TBXAS1: variants seen among roughly 807,000 people sequenced by gnomAD.
The protein encoded by TBXAS1 is thromboxane A synthase 1, also known as thromboxane-A synthase.
TBXAS1 carries 48 observed loss-of-function variants against 60.7 expected under a neutral mutation model. That is an observed-to-expected ratio of 0.79 (90% confidence interval 0.63 to 1.01). The LOEUF (loss-of-function observed/expected upper bound fraction) is 1.01. Ranked by LOEUF, TBXAS1 falls within the 50% of genes least tolerant of loss-of-function variation. The probability of loss-of-function intolerance (pLI) is 0.00; values close to 1 mark genes in which losing one functional copy is unlikely to be tolerated. For missense variants in TBXAS1, 685 were observed against 686.3 expected (o/e 1.00, Z 0.02); for synonymous variants, 287 against 269.7 (o/e 1.06, Z -0.63).
In TBXAS1 at chr7:139,999,251, G is replaced by A. The variant is rs577879057; in HGVS notation, c.1135-7840G>A. Among the ~76,000 whole-genome samples, 22 of 152,342 alleles carry A rather than the reference G, an allele frequency of 1.4e-4. No homozygotes were observed. The highest frequency in any genetic ancestry group is 4.6e-4 in the African/African-American group (19 of 41,584). On this transcript the variant is annotated intron_variant, in intron 9 of 12. Coordinates refer to ENST00000448866, the MANE Select transcript of TBXAS1 (RefSeq NM_001061.7). This position sits in a 1 kb window ranked among gnomAD's most constrained non-coding sequence, Gnocchi z 4.3. ...CATAAGAACTCAGGGCTGGCCGGGCGCCATGGCTTACGCCTATAATCCCAG... is the reference window on the plus strand; with the variant it reads ...CATAAGAACTCAGGGCTGGCCGGGCACCATGGCTTACGCCTATAATCCCAG...
At chr7:139,782,525 A>G (rs1797036154) in intron 2 of TBXAS1, 1 of 151,974 alleles carries the variant, frequency 6.6e-6, no homozygotes, top group Admixed American at 6.6e-5. Context: ...CTTCAAGGCC[A>G]CAGGATAGAG....
chr7:140,004,695 G>C lies in TBXAS1; in HGVS notation c.1135-2396G>C, dbSNP rs1233085743. Reference sequence around the variant, plus strand: ...ACACATGCACTGAGACCCAGCCAGGGAGGCAGGATCTAGGGAAATTGGTCC... The same window carrying C: ...ACACATGCACTGAGACCCAGCCAGGCAGGCAGGATCTAGGGAAATTGGTCC... On this transcript the variant is annotated intron_variant, in intron 9 of 12. Coordinates refer to ENST00000448866, the MANE Select transcript of TBXAS1 (RefSeq NM_001061.7). The surrounding 1 kb of genome is among the most constrained non-coding windows in gnomAD (Gnocchi z 5.1). Among the ~76,000 whole-genome samples, 1 of 152,184 alleles carries C rather than the reference G, an allele frequency of 6.6e-6. No homozygotes were observed. The highest frequency in any genetic ancestry group is 1.9e-4 in the East Asian group (1 of 5,190).
chr7:139,797,680 G>A (rs80267009), intron 4 of TBXAS1, among the ~76,000 whole-genome samples: 1 of 152,152 alleles, frequency 6.6e-6, no homozygotes, highest in South Asian at 2.1e-4. Flanking sequence ...AGGGTGAGGG[G>A]CTGGGAGTGG....
chr7:139,852,321 C>G lies in TBXAS1; in HGVS notation c.90-19914C>G, dbSNP rs1800275024. Among the ~76,000 whole-genome samples the G allele has an allele frequency of 2.0e-5, 3 of 152,188 alleles. No individual in the cohort carries two copies. In the South Asian group the frequency reaches 6.2e-4, roughly 32 times the overall value. The stretch of plus-strand genomic sequence containing the variant: ...GGAAGGGATTATAAGTTGCAGGGAG[C>G]AGGCAAGAGGCCAAACCCAGAAAAG... On this transcript the variant is annotated intron_variant, in intron 1 of 12. Coordinates refer to ENST00000448866, the MANE Select transcript of TBXAS1 (RefSeq NM_001061.7). This position sits in a 1 kb window ranked among gnomAD's most constrained non-coding sequence, Gnocchi z 4.4.
chr7:139,972,859 G>A (rs1811309897), intron 9 of TBXAS1, among the ~76,000 whole-genome samples: 1 of 152,134 alleles, frequency 6.6e-6, no homozygotes, highest in Non-Finnish European at 1.5e-5. Flanking sequence ...CACAGTGCCT[G>A]GCACGTGAGA....
chr7:139,822,819 C>T (rs1215707634), intron 4 of TBXAS1, among the ~76,000 whole-genome samples: 1 of 152,142 alleles, frequency 6.6e-6, no homozygotes, highest in Non-Finnish European at 1.5e-5. Flanking sequence ...AGGCTGTCAT[C>T]CCCCACCTAG....
chr7:139,813,271 T>C (rs572085175), intron 4 of TBXAS1, among the ~76,000 whole-genome samples: 1 of 152,188 alleles, frequency 6.6e-6, no homozygotes, highest in African/African-American at 2.4e-5. Flanking sequence ...TCAGAGACCT[T>C]CCAGTACTGG....
intron 7 of TBXAS1, 37 bp downstream of exon 7, chr7:139,955,644 C>G (rs766847341): frequency 2.8e-5 from 45 of 1,612,214 alleles, no homozygotes; most frequent in Non-Finnish European, 3.6e-5. Context: ...TGCGATGACT[C>G]CAGCAAGTTG....
At chr7:139,984,827 AAGAAAG>A (rs1042025609) in intron 9 of TBXAS1, among the ~76,000 whole-genome samples, 1 of 147,230 alleles carries the variant, frequency 6.8e-6, no homozygotes. Context: ...AAGAAGAAGA[AAGAAAG>A]AGGAAGGAAG....
chr7:139,939,184 G>C (rs1463583607), intron 5 of TBXAS1, among the ~76,000 whole-genome samples: 1 of 152,116 alleles, frequency 6.6e-6, no homozygotes, highest in African/African-American at 2.4e-5. Context: ...GATCAACATG[G>C]TGAAACCCTG....
intron 9 of TBXAS1, among the ~76,000 whole-genome samples, chr7:139,964,551 T>C (rs1476876796): frequency 6.6e-6 from 1 of 152,028 alleles, no homozygotes; most frequent in African/African-American, 2.4e-5. Context: ...AGGAAGGCAT[T>C]AGAGGGAAGC....
intron 2 of TBXAS1, among the ~76,000 whole-genome samples, chr7:139,873,981 A>G (rs564514129): frequency 4.6e-5 from 7 of 152,276 alleles, no homozygotes; most frequent in East Asian, 1.9e-4. Context: ...TTGGCACTAG[A>G]TAGAAAAGAA....
chr7:139,915,744 A>G (rs1275873154), intron 4 of TBXAS1, among the ~76,000 whole-genome samples: 1 of 152,232 alleles, frequency 6.6e-6, no homozygotes, highest in Non-Finnish European at 1.5e-5. Context: ...ACAACATTGA[A>G]CAAATGTGTG....
At chr7:139,945,386 C>G (rs1396688059) in intron 5 of TBXAS1, among the ~76,000 whole-genome samples, 2 of 152,224 alleles carry the variant, frequency 1.3e-5, no homozygotes, top group Admixed American at 1.3e-4. Context: ...ACACATAGGA[C>G]CAGCATGAGT....
chr7:139,880,634 T>G (rs947968223), intron 3 of TBXAS1, among the ~76,000 whole-genome samples: 16 of 152,232 alleles, frequency 1.1e-4, no homozygotes, highest in African/African-American at 3.6e-4. Context: ...TGGGAAATTG[T>G]CCCATTTTGC....
At chr7:139,853,995 C>A (rs573863752) in intron 1 of TBXAS1, among the ~76,000 whole-genome samples, 29 of 152,216 alleles carry the variant, frequency 1.9e-4, no homozygotes, top group African/African-American at 6.3e-4. Context: ...AGCCGAAGAG[C>A]AATCTGGCCT....
chr7:139,990,896 A>G (rs1450451661), intron 9 of TBXAS1, among the ~76,000 whole-genome samples: 3 of 152,134 alleles, frequency 2.0e-5, no homozygotes, highest in Non-Finnish European at 2.9e-5. Context: ...CCCCACCTTC[A>G]GGCTAACCCC....
intron 2 of TBXAS1, 48 bp downstream of exon 2, chr7:139,872,376 C>A: frequency 6.4e-7 from 1 of 1,565,628 alleles, no homozygotes; most frequent in African/African-American, 1.4e-5. Context: ...TGCTGAGGGC[C>A]AGGCACAGTG....
At chr7:139,883,753 C>A (rs1802870605) in intron 3 of TBXAS1, among the ~76,000 whole-genome samples, 2 of 152,144 alleles carry the variant, frequency 1.3e-5, no homozygotes, top group South Asian at 4.1e-4. Flanking sequence ...TAATCATGAA[C>A]CTCAGTAAAT....
Sources: gnomAD v4.1 joint callset for allele counts (sites outside exome capture counted in the v4.1 genomes callset) on GRCh38, gnomAD v4.1.1 for gene constraint, Gnocchi (gnomAD v3.1) non-coding constraint, MANE v1.5 for transcripts, NCBI Gene and HGNC (gene_info 2026-07-23, HGNC 2026-07-21) for gene names.